Variants in CDH2 observed in about 807,000 individuals in gnomAD.
CDH2 encodes the protein cadherin 2, also known as cadherin-2.
CDH2 carries 17 observed loss-of-function variants against 92.0 expected under a neutral mutation model. The observed-to-expected ratio is 0.18, with a 90% confidence interval of 0.13 to 0.28. The LOEUF (loss-of-function observed/expected upper bound fraction) is 0.28, where lower values mean the gene tolerates loss of function less well. Among genes scored for constraint, CDH2 ranks in the 10% least tolerant of loss-of-function variants. The pLI, the probability that CDH2 is intolerant of heterozygous loss-of-function variation, is 1.00. For synonymous variants in CDH2, 419 were observed against 415.9 expected (o/e 1.01, Z -0.09); for missense variants, 862 against 1,133.1 (o/e 0.76, Z 3.44).
At chr18:27,953,219 G>C (rs1909549407) in intron 15 of CDH2, among the ~76,000 whole-genome samples, 1 of 151,996 alleles carries the variant, frequency 6.6e-6, no homozygotes, top group Non-Finnish European at 1.5e-5. Flanking sequence ...TGCGTTATCT[G>C]GTTCTTATAA....
chr18:28,158,576 C>T (rs1442541718), intron 1 of CDH2, among the ~76,000 whole-genome samples: 1 of 152,220 alleles, frequency 6.6e-6, no homozygotes, highest in Non-Finnish European at 1.5e-5. Context: ...GTGCTTTCCA[C>T]TGCCCAGTCA....
intron 2 of CDH2, among the ~76,000 whole-genome samples, chr18:28,080,433 C>G (rs1438415826): frequency 2.0e-5 from 3 of 152,048 alleles, no homozygotes; most frequent in African/African-American, 7.2e-5. Flanking sequence ...CATAAAGCTG[C>G]CTCGCCTTCT....
intron 15 of CDH2, among the ~76,000 whole-genome samples, chr18:27,954,344 C>G (rs1351268835): frequency 6.6e-6 from 1 of 152,216 alleles, no homozygotes; most frequent in Non-Finnish European, 1.5e-5. Context: ...CACACCCACA[C>G]TCCCACAGAG....
At chr18:28,112,787 T>G (rs2015433833) in intron 2 of CDH2, among the ~76,000 whole-genome samples, 1 of 151,976 alleles carries the variant, frequency 6.6e-6, no homozygotes, top group South Asian at 2.1e-4. Flanking sequence ...AAAGTGGAGA[T>G]CAAAGCCACA....
intron 2 of CDH2, among the ~76,000 whole-genome samples, chr18:28,040,507 C>A (rs1162656423): frequency 6.6e-6 from 1 of 152,104 alleles, no homozygotes; most frequent in Non-Finnish European, 1.5e-5. Flanking sequence ...CAACAATCTG[C>A]AGTCAACACA....
intron 2 of CDH2, among the ~76,000 whole-genome samples, chr18:28,031,069 C>T (rs186632546): frequency 3.5e-4 from 53 of 151,122 alleles, no homozygotes; most frequent in Admixed American, 3.3e-3. Context: ...AAACCGTGAC[C>T]ACTCCACTGA....
chr18:28,091,297 A>G (rs2015033493), intron 2 of CDH2, among the ~76,000 whole-genome samples: 1 of 152,174 alleles, frequency 6.6e-6, no homozygotes, highest in Non-Finnish European at 1.5e-5. Flanking sequence ...CTGTTCTTAA[A>G]TTACTTTCAG....
chr18:28,162,473 G>A (rs896756664), intron 1 of CDH2, among the ~76,000 whole-genome samples: 7 of 152,062 alleles, frequency 4.6e-5, no homozygotes, highest in African/African-American at 1.7e-4. Context: ...TTGCATCTCC[G>A]AGTCACCACC....
At chr18:28,166,467 A>T (rs947905540) in intron 1 of CDH2, among the ~76,000 whole-genome samples, 6 of 152,142 alleles carry the variant, frequency 3.9e-5, no homozygotes, top group African/African-American at 1.4e-4. Flanking sequence ...CTTAATTCTA[A>T]ATCAATTTGT....
At chr18:27,963,156 T>A (rs1293826122) in intron 15 of CDH2, among the ~76,000 whole-genome samples, 1 of 152,088 alleles carries the variant, frequency 6.6e-6, no homozygotes, top group Non-Finnish European at 1.5e-5. Flanking sequence ...TCTTAATTGA[T>A]AGATCTCTTT....
chr18:27,983,070 C>T lies in CDH2; in HGVS notation c.2223G>A (p.Met741Ile), dbSNP rs534039382. 1.2e-6 allele frequency: 2 copies of T among 1,611,384 alleles called. No individual in the cohort carries two copies. The highest frequency in any genetic ancestry group is 2.2e-5 in the South Asian group (2 of 90,382). ...CIIILLILVL[M>I]FVVWMKRRDK... ...CCCGGCGTTTCATCCATACCACAAA[C>T]ATCAGCACAAGGACTAGGTAGAAAA... The change falls in exon 14 of 16, where the codon ATG (methionine) becomes ATA (isoleucine). Residue 741 changes from methionine to isoleucine, a missense_variant. Met to Ile is a conservative substitution (Grantham distance 10). This residue lies in a region of CDH2 where 564 missense variants were observed against 722.2 expected (regional missense o/e 0.78). Coordinates refer to ENST00000269141, the MANE Select transcript of CDH2 (RefSeq NM_001792.5).
At chr18:28,069,454 T>C (rs1244582740) in intron 2 of CDH2, among the ~76,000 whole-genome samples, 1 of 152,166 alleles carries the variant, frequency 6.6e-6, no homozygotes, top group Non-Finnish European at 1.5e-5. Flanking sequence ...AGTAATCCCA[T>C]GTTTTGTTTC....
At chr18:28,044,468 A>C (rs904202931) in intron 2 of CDH2, among the ~76,000 whole-genome samples, 2 of 152,080 alleles carry the variant, frequency 1.3e-5, no homozygotes, top group African/African-American at 4.8e-5. Context: ...CCCCTTTTCT[A>C]TTCATCTTGC....
At chr18:27,982,787 T>A (rs1034576535) in intron 14 of CDH2, among the ~76,000 whole-genome samples, 157 bp downstream of exon 14, 18 of 151,760 alleles carry the variant, frequency 1.2e-4, no homozygotes, top group African/African-American at 1.7e-4. Context: ...TGAAAAAAAA[T>A]TTGAGAAATA....
chr18:27,992,947 AT>A, intron 8 of CDH2, 107 bp from the exon 9 acceptor site: 2 of 667,224 alleles, frequency 3.0e-6, no homozygotes, highest in Non-Finnish European at 2.5e-6. Flanking sequence ...GATTTTTATT[AT>A]CTACACTAAA....
At chr18:28,156,462 A>G (rs1458612039) in intron 1 of CDH2, among the ~76,000 whole-genome samples, 5 of 145,252 alleles carry the variant, frequency 3.4e-5, no homozygotes, top group Non-Finnish European at 4.6e-5. Flanking sequence ...CTTCCCAGGT[A>G]CAGCATGTCA....
intron 6 of CDH2, among the ~76,000 whole-genome samples, chr18:27,944,829 C>T (rs1909229860): frequency 6.7e-6 from 1 of 149,914 alleles, no homozygotes; most frequent in South Asian, 2.1e-4. Flanking sequence ...ATGAGGATGT[C>T]TTGAGCCCAA....
In CDH2 at chr18:28,003,110, T is replaced by C; in HGVS notation, c.907A>G (p.Met303Val). Residue 303 changes from methionine (M) to valine (V), a missense_variant, in exon 7 of 16, where the codon ATG (methionine) becomes GTG (valine). Around this residue, in one of 5 missense-constraint regions of CDH2, gnomAD observed 564 missense variants for 722.2 expected, o/e 0.78. Coordinates refer to ENST00000269141, the MANE Select transcript of CDH2 (RefSeq NM_001792.5). ...TGAGACACGATTCTGTACCTCAACA[T>C]CCCATTGAGGGCATTGGGATCGTCA... ...DADDPNALNGMLRYRIVSQAP... is the reference protein window; with the variant it reads ...DADDPNALNGVLRYRIVSQAP... The C allele has an allele frequency of 1.2e-6, 2 of 1,613,348 alleles. No homozygotes were observed. Among genetic ancestry groups the C allele is most frequent in the Non-Finnish European group, 1.7e-6 (2 of 1,179,352 alleles).
At chr18:28,105,604 T>C (rs757593422) in intron 2 of CDH2, among the ~76,000 whole-genome samples, 4 of 152,126 alleles carry the variant, frequency 2.6e-5, no homozygotes, top group Non-Finnish European at 5.9e-5. Context: ...TCTCCAAACC[T>C]AGAAGGAAAG....
Sources: allele counts gnomAD v4.1 joint callset (sites outside exome capture counted in the v4.1 genomes callset), GRCh38; gene constraint gnomAD v4.1.1; regional missense constraint gnomAD v4.1.1; transcripts MANE v1.5; gene names NCBI Gene and HGNC (gene_info 2026-07-23, HGNC 2026-07-21).